The following ERP27 variants were observed in gnomAD, a reference collection of about 807,000 sequenced individuals.
The protein encoded by ERP27 is endoplasmic reticulum resident protein 27.
A neutral mutation model predicts 27.7 loss-of-function variants in ERP27; 23 were observed. The observed-to-expected ratio is 0.83, with a 90% confidence interval of 0.60 to 1.18. The LOEUF (loss-of-function observed/expected upper bound fraction) is 1.18. ERP27 is among the 50% of genes most tolerant of loss of function. The pLI is 0.00. For synonymous variants in ERP27, 159 were observed against 118.3 expected (o/e 1.34, Z -2.23); for missense variants, 363 against 327.9 (o/e 1.11, Z -0.83).
intron 3 of ERP27, among the ~76,000 whole-genome samples, chr12:14,929,983 G>C (rs1863674000): frequency 1.3e-5 from 2 of 151,562 alleles, no homozygotes; most frequent in African/African-American, 4.9e-5. Context: ...CATGGACACA[G>C]GTAGGGGAAC....
intron 2 of ERP27, among the ~76,000 whole-genome samples, chr12:14,937,555 A>C (rs995543938): frequency 6.6e-6 from 1 of 152,198 alleles, no homozygotes; most frequent in Non-Finnish European, 1.5e-5. Context: ...TCCTGTAAAC[A>C]GTGTTGCTGG....
At chr12:14,923,313 A>G (rs1355307606) in intron 3 of ERP27, among the ~76,000 whole-genome samples, 1 of 152,102 alleles carries the variant, frequency 6.6e-6, no homozygotes, top group East Asian at 1.9e-4. Context: ...GCTCACAGGC[A>G]GTAGATGGTG....
Position 14,914,796 on chromosome 12 carries a change from T to C in ERP27, c.775-14A>G. 1 of 1,608,056 alleles carries C rather than the reference T, an allele frequency of 6.2e-7. No homozygotes were observed. The highest frequency in any genetic ancestry group is 1.1e-5 in the South Asian group (1 of 90,786). On this transcript the variant is annotated splice_polypyrimidine_tract_variant and intron_variant, in intron 6 of 6. Coordinates refer to ENST00000266397, the MANE Select transcript of ERP27 (RefSeq NM_152321.4). Reference sequence around the variant, plus strand: ...ACGATTTTCTTTCTGGAAAACATTATAACAATGATATTTAGATTAGTAAAC... The same window carrying C: ...ACGATTTTCTTTCTGGAAAACATTACAACAATGATATTTAGATTAGTAAAC...
At chr12:14,922,618 G>C (rs1376067159) in intron 3 of ERP27, among the ~76,000 whole-genome samples, 1 of 152,136 alleles carries the variant, frequency 6.6e-6, no homozygotes, top group Non-Finnish European at 1.5e-5. Context: ...CATAGTTAAA[G>C]TTATCATCTT....
chr12:14,935,116 C>T (rs557931040), intron 2 of ERP27, 123 bp from the exon 3 acceptor site: 2 of 1,478,222 alleles, frequency 1.4e-6, no homozygotes, highest in South Asian at 1.4e-5. Context: ...TGCCCAGTAA[C>T]ACATGATTTA....
Position 14,937,969 on chromosome 12 carries a change from C to A in ERP27, c.178G>T (p.Val60Phe), listed in dbSNP as rs1202929602. The A allele has an allele frequency of 1.2e-6, 2 of 1,613,936 alleles. No individual in the cohort carries two copies. The highest frequency in any genetic ancestry group is 1.7e-6 in the Non-Finnish European group (2 of 1,179,946). Residue 60 changes from valine to phenylalanine, a missense_variant, in exon 2 of 7, where the codon GTC becomes TTC. Coordinates refer to ENST00000266397, the MANE Select transcript of ERP27 (RefSeq NM_152321.4). ...MEFIAATEVA[V>F]IGFFQDLEIP... ...GAACTAACCTGGAAGAAGCCTATGA[C>A]AGCCACCTCAGTGGCAGCAATGAAT...
rs1863401595 is a variant in ERP27 at position 14,915,760 on chromosome 12, T to G, written c.577-74A>C. 4 of 1,333,412 alleles carry G rather than the reference T, an allele frequency of 3.0e-6. No homozygotes were observed. The East Asian group carries it at 9.3e-5, about 31-fold the overall frequency. The allele number at this position is 1,333,412 out of a possible 1,614,324, so 82.6% of individuals were successfully genotyped here. On this transcript the variant is annotated intron_variant, in intron 5 of 6. Transcript: ENST00000266397. The stretch of plus-strand genomic sequence containing the variant: ...CAGGGATAAAGAGATACCTTGTAAT[T>G]GTTGCAGCTCACACTGATTGAATTT...
chr12:14,922,224 C>A (rs1157784190), intron 3 of ERP27, among the ~76,000 whole-genome samples: 1 of 152,098 alleles, frequency 6.6e-6, no homozygotes, highest in Non-Finnish European at 1.5e-5. Flanking sequence ...AAGCTATCTT[C>A]CAAAGTGGAT....
intron 1 of ERP27, 133 bp from the exon 2 acceptor site, chr12:14,938,185 C>A (rs1863800531): frequency 2.5e-6 from 2 of 801,534 alleles, no homozygotes; most frequent in Non-Finnish European, 4.1e-6. Context: ...TGTTGGCATT[C>A]CAAGGCATAA....
chr12:14,928,503 T>C (rs1006683331), intron 3 of ERP27, among the ~76,000 whole-genome samples: 2 of 152,342 alleles, frequency 1.3e-5, no homozygotes, highest in East Asian at 3.9e-4. Context: ...AATCCATTTG[T>C]TTCATAATTA....
chr12:14,929,091 G>A, intron 3 of ERP27: 1 of 1,520,270 alleles, frequency 6.6e-7, no homozygotes, highest in Non-Finnish European at 8.8e-7. Context: ...GAATTCCTAG[G>A]TCTGGTGCCT....
chr12:14,938,394 C>G (rs1343893562), intron 1 of ERP27, 21 bp downstream of exon 1: 9 of 1,612,142 alleles, frequency 5.6e-6, no homozygotes, highest in Non-Finnish European at 7.6e-6. Flanking sequence ...CTATAGCCAC[C>G]CAACTACATT....
chr12:14,926,306 C>A (rs1055295469), intron 3 of ERP27, among the ~76,000 whole-genome samples: 5 of 152,166 alleles, frequency 3.3e-5, no homozygotes, highest in African/African-American at 1.2e-4. Context: ...TTCATATCAG[C>A]TTTCTTTTGG....
chr12:14,930,145 A>G (rs1010460153), intron 3 of ERP27, among the ~76,000 whole-genome samples: 2 of 152,136 alleles, frequency 1.3e-5, no homozygotes, highest in Non-Finnish European at 2.9e-5. Flanking sequence ...ACAAACCTTC[A>G]TGTTATGCAC....
chr12:14,931,312 GT>G (rs1863693071), intron 3 of ERP27, among the ~76,000 whole-genome samples: 1 of 144,620 alleles, frequency 6.9e-6, no homozygotes, highest in Non-Finnish European at 1.5e-5. Context: ...TTTTCAATAG[GT>G]TCACGTTTCC....
chr12:14,914,695 A>C lies in ERP27; in HGVS notation c.*40T>G, dbSNP rs368529986. The C allele has an allele frequency of 6.3e-7, 1 of 1,583,120 alleles. No homozygotes were observed. Among genetic ancestry groups the C allele is most frequent in the East Asian group, 2.2e-5 (1 of 44,740 alleles). ...TTTGAGTTGTGCCTTTTTACTTTGC[A>C]TAAAGTAGATACTTGGCCATATGTA... On this transcript the variant is annotated 3_prime_UTR_variant, in exon 7 of 7. Transcript: ENST00000266397.
At position 14,914,614 on chromosome 12, in the gene ERP27, G is replaced by C; in HGVS notation, c.*121C>G. The C allele has an allele frequency of 2.6e-6, 2 of 783,408 alleles. No homozygotes were observed. Among genetic ancestry groups the C allele is most frequent in the South Asian group, 3.3e-5 (2 of 61,008 alleles). 48.5% of individuals were successfully genotyped at this position (783,408 alleles called of 1,614,324 possible). On this transcript the variant is annotated 3_prime_UTR_variant, in exon 7 of 7. Transcript: ENST00000266397. ...TGCACGCGTGCGTGCGTGTGTGCAC[G>C]TGCGTGTGTGTGTGGTTGGCAGGCC...
chr12:14,929,984 G>T (rs1248266807), intron 3 of ERP27, among the ~76,000 whole-genome samples: 1 of 150,968 alleles, frequency 6.6e-6, no homozygotes, highest in African/African-American at 2.4e-5. Context: ...ATGGACACAG[G>T]TAGGGGAACA....
chr12:14,936,000 G>A (rs1200490305), intron 2 of ERP27, among the ~76,000 whole-genome samples: 1 of 152,144 alleles, frequency 6.6e-6, no homozygotes, highest in African/African-American at 2.4e-5. Flanking sequence ...AGAATTACAG[G>A]TGTGAGTCAC....
Sources: allele counts gnomAD v4.1 joint callset (sites outside exome capture counted in the v4.1 genomes callset), GRCh38; gene constraint gnomAD v4.1.1; transcripts MANE v1.5; gene names NCBI Gene and HGNC (gene_info 2026-07-23, HGNC 2026-07-21).